RASAL2: variants seen among roughly 807,000 people sequenced by gnomAD.
RASAL2 encodes the protein ras GTPase-activating protein nGAP.
A neutral mutation model predicts 128.9 loss-of-function variants in RASAL2; 58 were observed. The observed-to-expected ratio is 0.45, with a 90% CI of 0.36 to 0.56. The LOEUF is 0.56. Among genes scored for constraint, RASAL2 ranks in the 20% least tolerant of loss-of-function variants. The probability of loss-of-function intolerance (pLI) is 0.00; values close to 1 mark genes in which losing one functional copy is unlikely to be tolerated. For missense variants in RASAL2, 1,360 were observed against 1,601.6 expected (o/e 0.85, Z 2.57); for synonymous variants, 561 against 580.8 (o/e 0.97, Z 0.49).
intron 1 of RASAL2, among the ~76,000 whole-genome samples, chr1:178,111,044 A>G (rs1489381057): frequency 1.3e-5 from 2 of 152,158 alleles, no homozygotes; most frequent in Non-Finnish European, 2.9e-5. Context: ...TATGATATAT[A>G]CTAATTTTTT....
intron 3 of RASAL2, among the ~76,000 whole-genome samples, chr1:178,367,402 C>T (rs1231419847): frequency 6.6e-6 from 1 of 152,090 alleles, no homozygotes; most frequent in South Asian, 2.1e-4. Context: ...TACCTATTTC[C>T]CCTTTTTGCT....
At chr1:178,420,412 C>A in intron 4 of RASAL2, 99 bp from the exon 5 acceptor site, 1 of 674,774 alleles carries the variant, frequency 1.5e-6, no homozygotes, top group South Asian at 3.9e-5. Flanking sequence ...TATTTCTGGT[C>A]TTTATTGTAA....
intron 1 of RASAL2, among the ~76,000 whole-genome samples, chr1:178,231,018 A>G (rs1449015560): frequency 2.6e-5 from 4 of 152,088 alleles, no homozygotes; most frequent in Non-Finnish European, 5.9e-5. Context: ...AAACTCTGCC[A>G]TTTTGCCTTT....
chr1:178,398,768 G>A (rs1419350303), intron 4 of RASAL2, among the ~76,000 whole-genome samples: 1 of 152,172 alleles, frequency 6.6e-6, no homozygotes, highest in Admixed American at 6.5e-5. Context: ...AAAACCCTAA[G>A]AGTCATAATA....
chr1:178,395,761 T>C (rs1413898954), intron 4 of RASAL2, among the ~76,000 whole-genome samples: 2 of 120,702 alleles, frequency 1.7e-5, no homozygotes, highest in African/African-American at 4.0e-5. Context: ...GAGACCTCTT[T>C]TAATGAACAG....
intron 1 of RASAL2, among the ~76,000 whole-genome samples, chr1:178,100,868 C>A (rs931702400): frequency 6.6e-6 from 1 of 152,168 alleles, no homozygotes; most frequent in South Asian, 2.1e-4. Flanking sequence ...TTGTCCCTCC[C>A]TATTGGAAAA....
At chr1:178,161,892 T>G (rs1276563286) in intron 1 of RASAL2, among the ~76,000 whole-genome samples, 1 of 152,126 alleles carries the variant, frequency 6.6e-6, no homozygotes, top group Non-Finnish European at 1.5e-5. Flanking sequence ...AAGAAATGTC[T>G]ATTCAGATTC....
At chr1:178,102,814 C>T (rs1658953402) in intron 1 of RASAL2, among the ~76,000 whole-genome samples, 1 of 152,174 alleles carries the variant, frequency 6.6e-6, no homozygotes, top group Non-Finnish European at 1.5e-5. Flanking sequence ...TGCCATCTGG[C>T]AGGCATGGTC....
At chr1:178,201,250 G>T (rs1368516060) in intron 1 of RASAL2, among the ~76,000 whole-genome samples, 1 of 152,166 alleles carries the variant, frequency 6.6e-6, no homozygotes, top group East Asian at 1.9e-4. Context: ...GCAGCTTGGG[G>T]AGTTAAAAAA....
chr1:178,155,796 C>A (rs572767641), intron 1 of RASAL2, among the ~76,000 whole-genome samples: 2 of 152,160 alleles, frequency 1.3e-5, no homozygotes, highest in East Asian at 3.9e-4. Context: ...GAATATTACA[C>A]CTCTGTCTTT....
At chr1:178,241,426 G>T (rs184979045) in intron 1 of RASAL2, among the ~76,000 whole-genome samples, 1 of 152,140 alleles carries the variant, frequency 6.6e-6, no homozygotes, top group African/African-American at 2.4e-5. Flanking sequence ...CACTTTATGT[G>T]TGAGGAGAAA....
chr1:178,404,183 G>A (rs893194998), intron 4 of RASAL2, among the ~76,000 whole-genome samples: 6 of 143,668 alleles, frequency 4.2e-5, no homozygotes, highest in African/African-American at 1.0e-4. Context: ...CCGAGATCAC[G>A]CCATTGCACT....
At chr1:178,398,710 C>T (rs1025914073) in intron 4 of RASAL2, among the ~76,000 whole-genome samples, 2 of 152,136 alleles carry the variant, frequency 1.3e-5, no homozygotes, top group Non-Finnish European at 2.9e-5. Flanking sequence ...AAAATTTTCC[C>T]TTGAATTTCT....
chr1:178,160,487 T>A (rs940279851), intron 1 of RASAL2, among the ~76,000 whole-genome samples: 1 of 152,008 alleles, frequency 6.6e-6, no homozygotes, highest in African/African-American at 2.4e-5. Context: ...ATACAAAAAT[T>A]AGCGGGACGT....
At chr1:178,097,244 T>C (rs1658724960) in intron 1 of RASAL2, among the ~76,000 whole-genome samples, 1 of 152,224 alleles carries the variant, frequency 6.6e-6, no homozygotes, top group East Asian at 1.9e-4. Flanking sequence ...TTTTAACTCA[T>C]GGCCTCTAGG....
chr1:178,281,615 T>C (rs1220785553), intron 1 of RASAL2, among the ~76,000 whole-genome samples: 1 of 152,190 alleles, frequency 6.6e-6, no homozygotes. Context: ...AAGCTTACAG[T>C]ACGCAGTTTA....
intron 9 of RASAL2, among the ~76,000 whole-genome samples, chr1:178,448,941 T>C (rs1425021402): frequency 6.6e-6 from 1 of 152,182 alleles, no homozygotes; most frequent in Non-Finnish European, 1.5e-5. Flanking sequence ...ATAATATTTA[T>C]AATCCAAGAG....
chr1:178,270,627 CT>C (rs34462041), intron 1 of RASAL2, among the ~76,000 whole-genome samples: 37,666 of 138,238 alleles, frequency 0.27, 5,945 homozygotes, highest in African/African-American at 0.5. Context: ...CTGTGTCTCT[CT>C]TTTTTTTTTT....
At chr1:178,302,760 G>C in intron 3 of RASAL2, among the ~76,000 whole-genome samples, 1 of 152,156 alleles carries the variant, frequency 6.6e-6, no homozygotes, top group East Asian at 1.9e-4. Flanking sequence ...AAGTATAATA[G>C]GCCGGGCGCA....
Sources: gnomAD v4.1 joint callset for allele counts (sites outside exome capture counted in the v4.1 genomes callset) on GRCh38, gnomAD v4.1.1 for gene constraint, MANE v1.5 for transcripts, NCBI Gene and HGNC (gene_info 2026-07-23, HGNC 2026-07-21) for gene names.